Variants in CFTR observed in about 807,000 individuals in gnomAD.
CFTR encodes cystic fibrosis transmembrane conductance regulator.
In CFTR, 181 loss-of-function variants were observed where a neutral mutation model predicts 171.6. The observed-to-expected ratio is 1.05, with a 90% confidence interval of 0.93 to 1.19. CFTR has a LOEUF of 1.19. Among genes scored for constraint, CFTR ranks in the 50% most tolerant of loss-of-function variants. The pLI, the probability that CFTR is intolerant of heterozygous loss-of-function variation, is 0.00. For missense variants in CFTR, 1,968 were observed against 1,734.7 expected (o/e 1.13, Z -2.39); for synonymous variants, 583 against 608.0 (o/e 0.96, Z 0.60).
At chr7:117,551,228 C>T (rs1331928171) in intron 10 of CFTR, among the ~76,000 whole-genome samples, 1 of 152,092 alleles carries the variant, frequency 6.6e-6, no homozygotes, top group Non-Finnish European at 1.5e-5. Context: ...TCTATAATGG[C>T]GTGTTATTCA....
intron 24 of CFTR, among the ~76,000 whole-genome samples, chr7:117,657,013 C>T (rs1047142802): frequency 2.6e-5 from 4 of 152,028 alleles, no homozygotes; most frequent in Admixed American, 6.6e-5. Flanking sequence ...CAAACACAGG[C>T]GCTTTAAAGA....
At position 117,634,384 on chromosome 7, in the gene CFTR, G is replaced by T. The variant is rs376938507; in HGVS notation, c.3717+6614G>T. Among the ~76,000 whole-genome samples, 6 of 151,716 alleles carry T rather than the reference G, an allele frequency of 4.0e-5. No homozygotes were observed. The East Asian group carries it at 7.7e-4, about 20-fold the overall frequency. On this transcript the variant is annotated intron_variant, in intron 22 of 26. Transcript: ENST00000003084. Reference sequence around the variant, plus strand: ...TGTGTCACATCTTTTATTTTGCTTTGTTAGCCAGGCTAGAGATATCTCTAT... The same window carrying T: ...TGTGTCACATCTTTTATTTTGCTTTTTTAGCCAGGCTAGAGATATCTCTAT...
chr7:117,508,173 T>G (rs1798453402), intron 2 of CFTR, among the ~76,000 whole-genome samples: 2 of 152,254 alleles, frequency 1.3e-5, no homozygotes, highest in African/African-American at 4.8e-5. Flanking sequence ...TGTCTAATTG[T>G]TTACCTAGTT....
intron 3 of CFTR, among the ~76,000 whole-genome samples, chr7:117,510,606 A>G (rs1798502133): frequency 6.6e-6 from 1 of 152,128 alleles, no homozygotes; most frequent in Non-Finnish European, 1.5e-5. Context: ...AGAGGGGTCT[A>G]ATTAGAAGGC....
intron 12 of CFTR, among the ~76,000 whole-genome samples, chr7:117,589,537 A>G (rs1421601875): frequency 2.6e-5 from 4 of 152,022 alleles, no homozygotes; most frequent in African/African-American, 7.2e-5. Context: ...ATTTCTATTA[A>G]TATGGGAACT....
At chr7:117,548,539 T>C (rs1237582218) in intron 9 of CFTR, 102 bp from the exon 10 acceptor site, 1 of 1,545,262 alleles carries the variant, frequency 6.5e-7, no homozygotes, top group Non-Finnish European at 8.7e-7. Flanking sequence ...CCATGTGCTT[T>C]TCAAACTAAT....
At chr7:117,498,328 C>T (rs867716038) in intron 1 of CFTR, among the ~76,000 whole-genome samples, 5 of 152,160 alleles carry the variant, frequency 3.3e-5, no homozygotes, top group Middle Eastern at 6.8e-3. Flanking sequence ...GCATATACTC[C>T]CTAAAGTTGA....
rs3832534 is a variant in CFTR at position 117,548,606 on chromosome 7, ATGTG to A, written c.1210-15_1210-12del. ...CTGACAAACTCATCTTTTATTTTTG[ATGTG>A]TGTGTGTGTGTGTGTGTGTTTTTTT... On this transcript the variant is annotated intron_variant, in intron 9 of 26. Coordinates refer to ENST00000003084, the MANE Select transcript of CFTR (RefSeq NM_000492.4). The A allele has an allele frequency of 8.2e-4, 1,230 of 1,497,250 alleles. 1 individual carries two copies. The highest frequency in any genetic ancestry group is 2.8e-3 in the African/African-American group (192 of 68,726). The allele number at this position is 1,497,250 out of a possible 1,614,324, so 92.7% of individuals were successfully genotyped here. A position where few individuals can be genotyped will look rare whatever the true frequency, so the allele number is the denominator to read the frequency against.
chr7:117,559,276 T>A (rs1799413148), intron 10 of CFTR, among the ~76,000 whole-genome samples, 188 bp from the exon 11 acceptor site: 1 of 152,216 alleles, frequency 6.6e-6, no homozygotes. Flanking sequence ...TCTCTTTTAC[T>A]TTCCCTTGTA....
intron 1 of CFTR, among the ~76,000 whole-genome samples, chr7:117,500,278 CTTTTTTTTTTT>C (rs745627454): frequency 3.9e-5 from 3 of 76,488 alleles, no homozygotes; most frequent in East Asian, 5.7e-4. Context: ...TTCTTCCTTT[CTTTTTTTTTTT>C]TTTTTTTTTT....
intron 3 of CFTR, among the ~76,000 whole-genome samples, chr7:117,516,784 A>C (rs1313942401): frequency 1.3e-5 from 2 of 152,142 alleles, no homozygotes; most frequent in African/African-American, 4.8e-5. Flanking sequence ...CCATCCCCTC[A>C]AACACTTATC....
At chr7:117,573,479 G>C (rs1791725853) in intron 11 of CFTR, among the ~76,000 whole-genome samples, 1 of 152,094 alleles carries the variant, frequency 6.6e-6, no homozygotes, top group Non-Finnish European at 1.5e-5. Context: ...CAAGTATCTA[G>C]ATGAGTAGCT....
rs111828708 is a variant in CFTR, at chr7:117,532,938, A to G, written c.490-1338A>G. Among the ~76,000 whole-genome samples the G allele has an allele frequency of 4.7e-4, 71 of 152,278 alleles. 1 individual carries two copies. The highest frequency in any genetic ancestry group is 8.5e-4 in the Admixed American group (13 of 15,280). ...TCTGACCTGTTTTGTCCTCATGGCC[A>G]GGATATGTGGGACCTTTCCTACAAT... On this transcript the variant is annotated intron_variant, in intron 4 of 26. Coordinates refer to ENST00000003084, the MANE Select transcript of CFTR (RefSeq NM_000492.4).
At chr7:117,594,861 A>G (rs968398034) in intron 14 of CFTR, 69 bp from the exon 15 acceptor site, 2 of 1,443,016 alleles carry the variant, frequency 1.4e-6, no homozygotes, top group African/African-American at 2.8e-5. Context: ...TCATATATTA[A>G]AAATAAAACC....
At chr7:117,488,983 C>T (rs1359577365) in intron 1 of CFTR, among the ~76,000 whole-genome samples, 2 of 151,956 alleles carry the variant, frequency 1.3e-5, no homozygotes, top group African/African-American at 4.8e-5. Context: ...TTGGTTGCAT[C>T]CCACAAGGTT....
chr7:117,521,408 T>G (rs986987093), intron 3 of CFTR, among the ~76,000 whole-genome samples: 1 of 152,102 alleles, frequency 6.6e-6, no homozygotes, highest in African/African-American at 2.4e-5. Flanking sequence ...TTTATAATTA[T>G]GGCATTGATT....
At chr7:117,648,051 TTA>T (rs996488910) in intron 23 of CFTR, among the ~76,000 whole-genome samples, 2 of 145,002 alleles carry the variant, frequency 1.4e-5, no homozygotes, top group African/African-American at 5.1e-5. Context: ...CACACATTAT[TTA>T]TATATATGTA....
intron 12 of CFTR, among the ~76,000 whole-genome samples, chr7:117,588,772 T>C (rs1293302181): frequency 1.3e-5 from 2 of 152,154 alleles, no homozygotes; most frequent in Non-Finnish European, 2.9e-5. Context: ...ATTGAGGCTG[T>C]TAGATGTTAA....
At chr7:117,539,425 T>A (rs1033772282) in intron 7 of CFTR, among the ~76,000 whole-genome samples, 20 of 151,956 alleles carry the variant, frequency 1.3e-4, no homozygotes, top group African/African-American at 4.6e-4. Context: ...ACTTGGGTTT[T>A]TTTTTTTGTT....
Sources: allele counts gnomAD v4.1 joint callset (sites outside exome capture counted in the v4.1 genomes callset), GRCh38; gene constraint gnomAD v4.1.1; transcripts MANE v1.5; gene names NCBI Gene and HGNC (gene_info 2026-07-23, HGNC 2026-07-21).